Variants in SLC28A1 observed in about 807,000 individuals in gnomAD.
SLC28A1 encodes the protein sodium/nucleoside cotransporter 1.
A neutral mutation model predicts 74.8 loss-of-function variants in SLC28A1; 64 were observed. That is an observed-to-expected ratio of 0.86 (90% CI 0.70 to 1.05). SLC28A1 has a LOEUF of 1.05. Ranked by LOEUF, SLC28A1 falls within the 50% of genes least tolerant of loss-of-function variation. The pLI is 0.00. For synonymous variants in SLC28A1, 359 were observed against 335.0 expected (o/e 1.07, Z -0.78); for missense variants, 828 against 822.8 (o/e 1.01, Z -0.08).
rs577452909 is a variant in SLC28A1 at position 84,921,053 on chromosome 15, A to G, written c.941A>G (p.Asn314Ser). 1.9e-6 allele frequency: 3 copies of G among 1,613,930 alleles called. No individual in the cohort carries two copies. The highest frequency in any genetic ancestry group is 3.3e-5 in the Admixed American group (2 of 60,018). Residue 314 changes from asparagine to serine, a missense_variant, in exon 11 of 19, where the codon AAC becomes AGC. By Grantham distance (46) the Asn-to-Ser change is conservative (BLOSUM62 1). Coordinates refer to ENST00000394573, the MANE Select transcript of SLC28A1 (RefSeq NM_004213.5). ...ACTGAGACCCTGAGTGTGGCTGGAAACATCTTTGTGAGCCAGGTGGGTATG... is the reference window on the plus strand; with the variant it reads ...ACTGAGACCCTGAGTGTGGCTGGAAGCATCTTTGTGAGCCAGGTGGGTATG... ...TATETLSVAG[N>S]IFVSQTEAPL... is the part of the protein sequence containing the mutation.
chr15:84,893,029 A>G lies in SLC28A1; in HGVS notation c.278-1911A>G, dbSNP rs2141667436. On this transcript the variant is annotated intron_variant, in intron 5 of 18. Coordinates refer to ENST00000394573, the MANE Select transcript of SLC28A1 (RefSeq NM_004213.5). ...TGCCCCTCCTGGAGGACCCCTCCAC[A>G]CTGCCCCCTCTCCCTGAGTCCCCAT... Among the ~76,000 whole-genome samples the G allele has an allele frequency of 3.3e-5, 5 of 151,002 alleles. No individual in the cohort carries two copies. In the South Asian group the frequency reaches 1.0e-3, roughly 32 times the overall value.
At chr15:84,890,367 T>C in intron 4 of SLC28A1, 76 bp from the exon 5 acceptor site, 6 of 1,056,154 alleles carry the variant, frequency 5.7e-6, no homozygotes, top group Non-Finnish European at 8.5e-6. Flanking sequence ...GGGACATACC[T>C]GAGTGGAGGT....
At position 84,886,663 on chromosome 15, in the gene SLC28A1, T is replaced by C. The variant is rs2141609274; in HGVS notation, c.-132-9T>C. ...GGCCCAACCTACTCCGACCCTGGAC[T>C]CTGCCCAGGAATTTCTGCTGAAGTG... On this transcript the variant is annotated splice_polypyrimidine_tract_variant and intron_variant, in intron 1 of 18. Coordinates refer to ENST00000394573, the MANE Select transcript of SLC28A1 (RefSeq NM_004213.5). 1 of 985,528 alleles carries C rather than the reference T, an allele frequency of 1.0e-6. No individual in the cohort carries two copies. Among genetic ancestry groups the C allele is most frequent in the South Asian group, 4.7e-5 (1 of 21,290 alleles). 61.0% of individuals were successfully genotyped at this position (985,528 alleles called of 1,614,324 possible). A position where few individuals can be genotyped will look rare whatever the true frequency, so the allele number is the denominator to read the frequency against.
chr15:84,961,784 T>C, the SLC28A1 span, among the ~76,000 whole-genome samples: 4 of 152,150 alleles, frequency 2.6e-5, no homozygotes, highest in Admixed American at 2.0e-4. Flanking sequence ...TCATGCCAGG[T>C]AAAGTCACTA....
chr15:84,935,610 C>T, intron 15 of SLC28A1, 92 bp downstream of exon 15: 2 of 1,105,172 alleles, frequency 1.8e-6, no homozygotes, highest in Non-Finnish European at 1.4e-6. Context: ...GCTCCCTGGG[C>T]CTGGCTGAGA....
chr15:84,941,503 C>T (rs1972693615), intron 15 of SLC28A1, among the ~76,000 whole-genome samples: 2 of 151,994 alleles, frequency 1.3e-5, no homozygotes, highest in Admixed American at 6.5e-5. Flanking sequence ...CTGCACCCGG[C>T]CGGGATTTGT....
rs1973085376 is a variant in SLC28A1 at position 84,944,498 on chromosome 15, C to T, written c.1664-68C>T. ...GGAAGGGAGGTCAGCAGATGCAGCC[C>T]GAGCTGCGGAACGCGGGCAGAGAGG... On this transcript the variant is annotated intron_variant, in intron 16 of 18. Coordinates refer to ENST00000394573, the MANE Select transcript of SLC28A1 (RefSeq NM_004213.5). The T allele has an allele frequency of 3.9e-5, 42 of 1,075,824 alleles. No homozygotes were observed. In the South Asian group the frequency reaches 4.2e-4, roughly 11 times the overall value. 66.6% of individuals were successfully genotyped at this position (1,075,824 alleles called of 1,614,324 possible). A position where few individuals can be genotyped will look rare whatever the true frequency, so the allele number is the denominator to read the frequency against.
chr15:84,958,917 T>C, the SLC28A1 span, among the ~76,000 whole-genome samples: 1 of 151,462 alleles, frequency 6.6e-6, no homozygotes, highest in Non-Finnish European at 1.5e-5. Flanking sequence ...TTGGCCAACA[T>C]GGTGAAACCT....
At chr15:84,967,911 G>A in the SLC28A1 span, among the ~76,000 whole-genome samples, 5 of 152,162 alleles carry the variant, frequency 3.3e-5, no homozygotes, top group Non-Finnish European at 7.3e-5. Context: ...AGACGCACTA[G>A]ACGCACTTCA....
rs1284478834 is a variant in SLC28A1 at position 84,936,029 on chromosome 15, A to G, written c.1581+511A>G. Among the ~76,000 whole-genome samples, 13 of 131,388 alleles carry G rather than the reference A, an allele frequency of 9.9e-5. 1 individual carries two copies. The highest frequency in any genetic ancestry group is 3.9e-4 in the African/African-American group (13 of 32,970). 86.2% of individuals were successfully genotyped at this position (131,388 alleles called of 152,430 possible). A position where few individuals can be genotyped will look rare whatever the true frequency, so the allele number is the denominator to read the frequency against. The stretch of plus-strand genomic sequence containing the variant: ...GAGTGCAGTGGCTCGATCTCGGCTC[A>G]CTGCAAGCTCCGCCTCCCGGGTTCA... On this transcript the variant is annotated intron_variant, in intron 15 of 18. Transcript: ENST00000394573.
intron 9 of SLC28A1, among the ~76,000 whole-genome samples, chr15:84,915,955 C>G (rs1432175156): frequency 6.6e-6 from 1 of 151,656 alleles, no homozygotes; most frequent in East Asian, 1.9e-4. Context: ...TGTTGTTGTT[C>G]TTCTTCTTAT....
At chr15:84,923,030 C>T (rs1008398350) in intron 11 of SLC28A1, among the ~76,000 whole-genome samples, 9 of 152,344 alleles carry the variant, frequency 5.9e-5, no homozygotes, top group South Asian at 4.1e-4. Context: ...CTCCGCCTCC[C>T]GGGTTCAAGC....
the SLC28A1 span, among the ~76,000 whole-genome samples, chr15:84,955,505 C>T: frequency 6.6e-6 from 1 of 152,190 alleles, no homozygotes; most frequent in Non-Finnish European, 1.5e-5. Flanking sequence ...TGCAGTCTCC[C>T]TTCTTCCACC....
At chr15:84,889,984 C>A (rs543958451) in intron 4 of SLC28A1, among the ~76,000 whole-genome samples, 1 of 151,294 alleles carries the variant, frequency 6.6e-6, no homozygotes, top group Non-Finnish European at 1.5e-5. Flanking sequence ...TACAGGCGCA[C>A]GCCACCATGC....
intron 8 of SLC28A1, among the ~76,000 whole-genome samples, chr15:84,906,508 G>C (rs78816161): frequency 0.33 from 17,637 of 54,256 alleles, 1,633 homozygotes; most frequent in East Asian, 0.5. Flanking sequence ...TGGTTTGTTT[G>C]TTTGTTTGTT....
intron 15 of SLC28A1, 144 bp downstream of exon 15, chr15:84,935,662 G>T: frequency 1.4e-6 from 1 of 707,862 alleles, no homozygotes; most frequent in Non-Finnish European, 2.4e-6. Context: ...CTGTAGTCCT[G>T]GGAGACAGGA....
intron 9 of SLC28A1, 25 bp from the exon 10 acceptor site, chr15:84,918,499 G>A (rs765285708): frequency 9.4e-6 from 15 of 1,598,818 alleles, no homozygotes; most frequent in East Asian, 4.5e-5. Flanking sequence ...TCTAACCTGC[G>A]GTCCTATGAT....
chr15:84,952,963 T>C, the SLC28A1 span, among the ~76,000 whole-genome samples: 4 of 152,270 alleles, frequency 2.6e-5, no homozygotes, highest in African/African-American at 7.2e-5. Context: ...TGAAACTTCC[T>C]TCCTCAATAA....
rs776314978 is a variant in SLC28A1, at chr15:84,923,977, G to A, written c.958-8G>A. 7 of 1,613,866 alleles carry A rather than the reference G, an allele frequency of 4.3e-6. No individual in the cohort carries two copies. The highest frequency in any genetic ancestry group is 1.7e-5 in the Admixed American group (1 of 59,986). Reference sequence around the variant, plus strand: ...ACCCTGCTTGTCTGACATCTTTCCTGTTTGCAGACCGAGGCTCCATTACTG... The same window carrying A: ...ACCCTGCTTGTCTGACATCTTTCCTATTTGCAGACCGAGGCTCCATTACTG... On this transcript the variant is annotated splice_region_variant and splice_polypyrimidine_tract_variant and intron_variant, in intron 11 of 18. Coordinates refer to ENST00000394573, the MANE Select transcript of SLC28A1 (RefSeq NM_004213.5).
Sources: gnomAD v4.1 joint callset for allele counts (sites outside exome capture counted in the v4.1 genomes callset) on GRCh38, gnomAD v4.1.1 for gene constraint, MANE v1.5 for transcripts, NCBI Gene and HGNC (gene_info 2026-07-23, HGNC 2026-07-21) for gene names.